The following KIAA1217 variants were observed in gnomAD, a reference collection of about 807,000 sequenced individuals.
KIAA1217 encodes KIAA1217, also known as sickle tail protein homolog.
KIAA1217 carries 88 observed loss-of-function variants against 163.9 expected under a neutral mutation model. That is an observed-to-expected ratio of 0.54 (90% CI 0.45 to 0.64). The LOEUF (loss-of-function observed/expected upper bound fraction) is 0.64. Ranked by LOEUF, KIAA1217 falls within the 30% of genes least tolerant of loss-of-function variation. KIAA1217 has a pLI of 0.00. For missense variants in KIAA1217, 2,372 were observed against 2,475.0 expected, an observed-to-expected ratio of 0.96 and a Z score of 0.88; for synonymous variants, 903 against 923.1, an observed-to-expected ratio of 0.98 and a Z score of 0.39.
At chr10:24,443,514 A>G (rs2060670088) in intron 5 of KIAA1217, among the ~76,000 whole-genome samples, 1 of 151,856 alleles carries the variant, frequency 6.6e-6, no homozygotes, top group Non-Finnish European at 1.5e-5. Flanking sequence ...CTCATCTAAC[A>G]TATTCCAGAA....
chr10:24,253,677 A>G (rs2074809882), intron 2 of KIAA1217, among the ~76,000 whole-genome samples: 1 of 151,806 alleles, frequency 6.6e-6, no homozygotes, highest in African/African-American at 2.4e-5. Context: ...GATTGAAGTG[A>G]GCCAAGATTG....
intron 2 of KIAA1217, among the ~76,000 whole-genome samples, chr10:24,105,786 CA>C (rs2062602792): frequency 6.6e-6 from 1 of 152,238 alleles, no homozygotes; most frequent in South Asian, 2.1e-4. Flanking sequence ...TTACTGCCTT[CA>C]TGGGGCTTTC....
intron 1 of KIAA1217, among the ~76,000 whole-genome samples, chr10:23,948,810 A>G (rs1844181905): frequency 6.6e-6 from 1 of 152,196 alleles, no homozygotes; most frequent in South Asian, 2.1e-4. Context: ...GAATGAATAA[A>G]TGAGAAAAAG....
chr10:23,800,787 G>A (rs1457360582), intron 1 of KIAA1217, among the ~76,000 whole-genome samples: 4 of 152,216 alleles, frequency 2.6e-5, no homozygotes, highest in African/African-American at 7.2e-5. Flanking sequence ...ACCATCGCAC[G>A]GCAGTTAGAA....
At chr10:24,364,371 T>A (rs1049112949) in intron 2 of KIAA1217, among the ~76,000 whole-genome samples, 2 of 152,220 alleles carry the variant, frequency 1.3e-5, no homozygotes, top group East Asian at 1.9e-4. Context: ...AGCAGGTATA[T>A]GTGAGAGGCC....
At chr10:24,052,843 AT>A (rs1203482784) in intron 2 of KIAA1217, among the ~76,000 whole-genome samples, 2 of 152,088 alleles carry the variant, frequency 1.3e-5, no homozygotes, top group Non-Finnish European at 2.9e-5. Flanking sequence ...TTAGGAGCAA[AT>A]TATCACGAGC....
chr10:24,037,302 C>T (rs1848434697), intron 2 of KIAA1217, among the ~76,000 whole-genome samples: 1 of 151,758 alleles, frequency 6.6e-6, no homozygotes, highest in Non-Finnish European at 1.5e-5. Flanking sequence ...CCTGTCTCTA[C>T]TAAAAAAATA....
At chr10:24,295,012 T>C (rs2040420437) in intron 2 of KIAA1217, among the ~76,000 whole-genome samples, 1 of 152,210 alleles carries the variant, frequency 6.6e-6, no homozygotes, top group Non-Finnish European at 1.5e-5. Context: ...TGCTTTTCTC[T>C]GGAAATACTA....
intron 1 of KIAA1217, among the ~76,000 whole-genome samples, chr10:23,790,704 C>CATT (rs1554795364): frequency 0.027 from 3,317 of 125,112 alleles, 89 homozygotes; most frequent in Middle Eastern, 0.077. Flanking sequence ...TATACACACA[C>CATT]ATATATATAT....
At position 24,404,611 on chromosome 10, in the gene KIAA1217, A is replaced by G. The variant is rs560514103; in HGVS notation, c.553+23544A>G. ...AAAAAAAACTGAAAATGGACTTGCC[A>G]TGGGACCCAGCAACTGCAGTCTTTT... is the stretch of plus-strand genomic sequence containing the variant. On this transcript the variant is annotated intron_variant, in intron 3 of 20. Coordinates refer to ENST00000376454, the MANE Select transcript of KIAA1217 (RefSeq NM_019590.5). Among the ~76,000 whole-genome samples, 60 of 148,630 alleles carry G rather than the reference A, an allele frequency of 4.0e-4. 1 individual carries two copies. The highest frequency in any genetic ancestry group is 1.4e-3 in the African/African-American group (58 of 40,388).
At chr10:24,165,297 G>A (rs751654261) in intron 2 of KIAA1217, among the ~76,000 whole-genome samples, 1 of 152,186 alleles carries the variant, frequency 6.6e-6, no homozygotes, top group Non-Finnish European at 1.5e-5. Flanking sequence ...AATGGAAGAA[G>A]TTGAATAGGA....
intron 2 of KIAA1217, among the ~76,000 whole-genome samples, chr10:24,175,989 G>C (rs1451404264): frequency 6.6e-6 from 1 of 152,192 alleles, no homozygotes; most frequent in Admixed American, 6.5e-5. Context: ...CTTCCACACT[G>C]TGGAAGGGGA....
chr10:24,212,659 C>G (rs1420692121), intron 1 of KIAA1217, among the ~76,000 whole-genome samples: 2 of 152,324 alleles, frequency 1.3e-5, no homozygotes, highest in East Asian at 3.9e-4. Context: ...TCCCGGTGAG[C>G]ACGAGTGCCG....
chr10:24,219,752 G>C lies in KIAA1217; in HGVS notation c.197G>C (p.Arg66Thr). The change falls in exon 2 of 21, where the codon AGA becomes ACA. Residue 66 changes from arginine (R) to threonine (T), a missense_variant. Transcript: ENST00000376454. The part of the protein sequence containing the change: ...VSKSSRNIPR[R>T]HTLGGPRSSK... ...AAGTCTTCCCGCAATATCCCAAGGA[G>C]ACACACCCTAGGGGGGCCCCGAAGT... is the stretch of plus-strand genomic sequence containing the variant. The C allele has an allele frequency of 6.2e-7, 1 of 1,613,836 alleles. No homozygotes were observed. The highest frequency in any genetic ancestry group is 2.2e-5 in the East Asian group (1 of 44,852).
chr10:24,117,035 GT>G (rs912677953), intron 2 of KIAA1217, among the ~76,000 whole-genome samples: 19 of 147,324 alleles, frequency 1.3e-4, no homozygotes, highest in Middle Eastern at 3.5e-3. Context: ...TCCAAATAGT[GT>G]TTTTTTTTTG....
chr10:24,062,968 C>T (rs552836236), intron 2 of KIAA1217, among the ~76,000 whole-genome samples: 1 of 151,990 alleles, frequency 6.6e-6, no homozygotes, highest in South Asian at 2.1e-4. Context: ...ATATCCTTCG[C>T]CCACTTTTCG....
intron 2 of KIAA1217, among the ~76,000 whole-genome samples, chr10:24,358,886 G>C (rs2049493174): frequency 6.6e-6 from 1 of 152,066 alleles, no homozygotes; most frequent in African/African-American, 2.4e-5. Context: ...AAGTGTACTT[G>C]TTTTGTTTTT....
chr10:24,334,438 TGGAAGGAAGGAA>T lies in KIAA1217; in HGVS notation c.355-46394_355-46383del, dbSNP rs60016533. ...GAGGGGTGGAGGAGGGAGGGAAGGA[TGGAAGGAAGGAA>T]GGAAGGAAGGAAGGAAGGAAGGAAG... On this transcript the variant is annotated intron_variant, in intron 2 of 20. Coordinates refer to ENST00000376454, the MANE Select transcript of KIAA1217 (RefSeq NM_019590.5). Among the ~76,000 whole-genome samples, 805 of 82,282 alleles carry T rather than the reference TGGAAGGAAGGAA, an allele frequency of 9.8e-3. 5 individuals are homozygous for T. The highest frequency in any genetic ancestry group is 0.025 in the African/African-American group (725 of 28,454). 54.0% of individuals were successfully genotyped at this position (82,282 alleles called of 152,430 possible). A position where few individuals can be genotyped will look rare whatever the true frequency, so the allele number is the denominator to read the frequency against.
intron 1 of KIAA1217, among the ~76,000 whole-genome samples, chr10:23,834,406 T>G (rs1182426735): frequency 1.3e-5 from 2 of 152,190 alleles, no homozygotes; most frequent in African/African-American, 4.8e-5. Flanking sequence ...TTATAATATT[T>G]ATTGAGTTAC....
Sources: gnomAD v4.1 joint callset for allele counts (sites outside exome capture counted in the v4.1 genomes callset) on GRCh38, gnomAD v4.1.1 for gene constraint, MANE v1.5 for transcripts, NCBI Gene and HGNC (gene_info 2026-07-23, HGNC 2026-07-21) for gene names.